The following DNAH7 variants were observed in gnomAD, a reference collection of about 807,000 sequenced individuals.
DNAH7 encodes the protein axonemal beta dynein heavy chain 7.
A neutral mutation model predicts 444.6 loss-of-function variants in DNAH7; 397 were observed. The observed-to-expected ratio is 0.89, with a 90% CI of 0.82 to 0.97. DNAH7 has a LOEUF of 0.97. Among genes scored for constraint, DNAH7 ranks in the 50% least tolerant of loss-of-function variants. The probability of loss-of-function intolerance (pLI) is 0.00; values close to 1 mark genes in which losing one functional copy is unlikely to be tolerated. For synonymous variants in DNAH7, 1,636 were observed against 1,624.4 expected (o/e 1.01, Z -0.17); for missense variants, 4,902 against 4,800.8 (o/e 1.02, Z -0.62).
rs1464152647 is a variant in DNAH7, at chr2:196,026,812, T to C, written c.615A>G (p.Thr205=). The C allele has an allele frequency of 3.1e-6, 5 of 1,612,696 alleles. No homozygotes were observed. The highest frequency in any genetic ancestry group is 2.5e-6 in the Non-Finnish European group (3 of 1,179,044). ...HLKVFTDSIV[T]LSDEMREDYL... Reference sequence around the variant, plus strand: ...AATCCTCTCTCATTTCATCAGATAATGTAACTATGCTGTCAGTGAAGACTT... The same window carrying C: ...AATCCTCTCTCATTTCATCAGATAACGTAACTATGCTGTCAGTGAAGACTT... The change falls in exon 7 of 65, where the codon ACA becomes ACG. Residue 205 remains threonine, a synonymous_variant. Coordinates refer to ENST00000312428, the MANE Select transcript of DNAH7 (RefSeq NM_018897.3).
intron 8 of DNAH7, among the ~76,000 whole-genome samples, chr2:196,020,608 TTTTG>T (rs1051442904): frequency 6.5e-5 from 9 of 138,350 alleles, no homozygotes; most frequent in South Asian, 4.5e-4. Flanking sequence ...AATTTGGGGC[TTTTG>T]TTTTTTTTTT....
chr2:195,809,760 C>A lies in DNAH7; in HGVS notation c.9873G>T (p.Leu3291=). ...CAGTACTGACCGCCCGCTCATGCAG[C>A]AGTAGATTTATGGTTAGACAAAAGG... ...LFSFCLTINL[L]LHERAINKAE... Residue 3291 remains leucine (L), a synonymous_variant, in exon 52 of 65, where the codon CTG becomes CTT. Coordinates refer to ENST00000312428, the MANE Select transcript of DNAH7 (RefSeq NM_018897.3). 1 of 1,592,474 alleles carries A rather than the reference C, an allele frequency of 6.3e-7. No individual in the cohort carries two copies. The highest frequency in any genetic ancestry group is 8.6e-7 in the Non-Finnish European group (1 of 1,169,230).
chr2:195,873,514 T>C, intron 39 of DNAH7, 54 bp downstream of exon 39: 1 of 1,086,734 alleles, frequency 9.2e-7, no homozygotes, highest in Non-Finnish European at 1.2e-6. Flanking sequence ...TTGATATGTT[T>C]CTAAAATATT....
chr2:196,005,290 ACAAAC>A (rs1694297825), intron 10 of DNAH7, among the ~76,000 whole-genome samples: 1 of 149,572 alleles, frequency 6.7e-6, no homozygotes, highest in African/African-American at 2.5e-5. Context: ...AAACAAACAA[ACAAAC>A]AAACAAACAA....
In DNAH7 at chr2:195,810,557, G is replaced by A. The variant is rs369536707; in HGVS notation, c.9762-686C>T. The stretch of plus-strand genomic sequence containing the variant: ...CTCCCAAGTAGCTGGGACTACGGGC[G>A]TGCACCACCATGCCTGGCTAATTTT... On this transcript the variant is annotated intron_variant, in intron 51 of 64. Coordinates refer to ENST00000312428, the MANE Select transcript of DNAH7 (RefSeq NM_018897.3). 8.3e-4 allele frequency among the ~76,000 whole-genome samples: 125 copies of A among 150,786 alleles called. 2 individuals carry two copies. In the South Asian group the frequency reaches 0.022, roughly 26 times the overall value.
rs1479661098 is a variant in DNAH7 at position 195,884,285 on chromosome 2, T to C, written c.5763+300A>G. ...CAGCTGTCCTTAAACAGTATGTGCC[T>C]GGTGTGATTCTATTTAATGAGTGCA... is the stretch of plus-strand genomic sequence containing the variant. On this transcript the variant is annotated intron_variant, in intron 35 of 64. Coordinates refer to ENST00000312428, the MANE Select transcript of DNAH7 (RefSeq NM_018897.3). 2.6e-5 allele frequency among the ~76,000 whole-genome samples: 4 copies of C among 152,350 alleles called. No homozygotes were observed. The East Asian group carries it at 7.7e-4, about 29-fold the overall frequency.
At chr2:195,772,855 G>A (rs906069740) in intron 60 of DNAH7, among the ~76,000 whole-genome samples, 6 of 145,734 alleles carry the variant, frequency 4.1e-5, no homozygotes, top group South Asian at 2.1e-4. Flanking sequence ...ATTTCCGTTC[G>A]CTGCAACCTC....
intron 35 of DNAH7, among the ~76,000 whole-genome samples, chr2:195,882,610 T>C (rs1252973616): frequency 6.6e-6 from 1 of 152,232 alleles, no homozygotes; most frequent in Non-Finnish European, 1.5e-5. Context: ...GAGTTAACAT[T>C]GTGCCATATC....
At chr2:196,007,738 T>G (rs558799073) in intron 10 of DNAH7, among the ~76,000 whole-genome samples, 1 of 152,292 alleles carries the variant, frequency 6.6e-6, no homozygotes, top group South Asian at 2.1e-4. Context: ...CCTGTCGCCA[T>G]GTAGGACCGG....
chr2:196,012,765 A>G (rs770579404), intron 10 of DNAH7, 22 bp downstream of exon 10: 2 of 1,597,076 alleles, frequency 1.3e-6, no homozygotes, highest in East Asian at 4.6e-5. Context: ...ATGCTTTCCT[A>G]CATGAAATTT....
chr2:196,016,639 A>G (rs764025174), intron 9 of DNAH7, among the ~76,000 whole-genome samples: 25 of 152,240 alleles, frequency 1.6e-4, no homozygotes, highest in Non-Finnish European at 3.1e-4. Context: ...GAAACCCTGT[A>G]TAATCTCATT....
chr2:195,900,397 G>T lies in DNAH7; in HGVS notation c.4433C>A (p.Ser1478Tyr). 6.2e-7 allele frequency: 1 copy of T among 1,614,008 alleles called. No individual in the cohort carries two copies. The change falls in exon 28 of 65, where the codon TCT (serine) becomes TAT (tyrosine). Residue 1478 changes from serine to tyrosine, a missense_variant. Coordinates refer to ENST00000312428, the MANE Select transcript of DNAH7 (RefSeq NM_018897.3). The stretch of plus-strand genomic sequence containing the variant: ...GCGATACGTAGCCACAATTTTTACA[G>T]ACAGTGGTCGAGCAGTGACAAACCC... ...SCGFVTARPLSVKIVATYRLC... is the reference protein window; with the variant it reads ...SCGFVTARPLYVKIVATYRLC...
intron 45 of DNAH7, among the ~76,000 whole-genome samples, chr2:195,854,634 G>C (rs920303933): frequency 6.6e-6 from 1 of 151,842 alleles, no homozygotes; most frequent in African/African-American, 2.4e-5. Flanking sequence ...TCAGGTCTTG[G>C]ACTATGGCAA....
rs372645538 is a variant in DNAH7, at chr2:195,970,112, T to C, written c.2059-18A>G. 120 of 1,581,928 alleles carry C rather than the reference T, an allele frequency of 7.6e-5. 1 individual carries two copies. The African/African-American group carries it at 1.4e-3, about 19-fold the overall frequency. On this transcript the variant is annotated intron_variant, in intron 16 of 64. Coordinates refer to ENST00000312428, the MANE Select transcript of DNAH7 (RefSeq NM_018897.3). Reference sequence around the variant, plus strand: ...CACCGTAACTAATAAAAACAATTTGTTGTTAATATTCTTAAAAGTTAAAAC... The same window carrying C: ...CACCGTAACTAATAAAAACAATTTGCTGTTAATATTCTTAAAAGTTAAAAC...
intron 9 of DNAH7, among the ~76,000 whole-genome samples, chr2:196,017,974 G>A (rs1461875791): frequency 1.3e-5 from 2 of 152,000 alleles, no homozygotes; most frequent in South Asian, 2.1e-4. Context: ...TCAGAGTATC[G>A]AAGGAAACTA....
At chr2:195,893,607 A>C (rs956035403) in intron 30 of DNAH7, 1 of 151,972 alleles carries the variant, frequency 6.6e-6, no homozygotes, top group Admixed American at 6.6e-5. Flanking sequence ...GGCGATAACA[A>C]TGTATCTTCC....
At chr2:195,987,758 T>G (rs1314036803) in intron 13 of DNAH7, among the ~76,000 whole-genome samples, 199 bp downstream of exon 13, 2 of 152,212 alleles carry the variant, frequency 1.3e-5, no homozygotes, top group African/African-American at 2.4e-5. Flanking sequence ...CTCAGCTACA[T>G]GAGCACAAGA....
At chr2:195,907,580 T>C (rs867839839) in intron 25 of DNAH7, among the ~76,000 whole-genome samples, 1 of 152,162 alleles carries the variant, frequency 6.6e-6, no homozygotes, top group African/African-American at 2.4e-5. Flanking sequence ...TCAACAAATA[T>C]GTACTGAACA....
chr2:195,743,203 C>CTGAA (rs1174896554), intron 63 of DNAH7, among the ~76,000 whole-genome samples: 1 of 152,238 alleles, frequency 6.6e-6, no homozygotes, highest in African/African-American at 2.4e-5. Context: ...CGGCCACAGA[C>CTGAA]TGAAGGCTGC....
Sources: gnomAD v4.1 joint callset for allele counts (sites outside exome capture counted in the v4.1 genomes callset) on GRCh38, gnomAD v4.1.1 for gene constraint, MANE v1.5 for transcripts, NCBI Gene and HGNC (gene_info 2026-07-23, HGNC 2026-07-21) for gene names.